RXRG: variants seen among roughly 807,000 people sequenced by gnomAD.
RXRG encodes the protein retinoid X receptor gamma, also known as retinoic acid receptor RXR-gamma.
RXRG carries 19 observed loss-of-function variants against 49.2 expected under a neutral mutation model. The observed-to-expected ratio is 0.39, with a 90% CI of 0.27 to 0.57. RXRG has a LOEUF of 0.57. Among genes scored for constraint, RXRG ranks in the 20% least tolerant of loss-of-function variants. The pLI, the probability that RXRG is intolerant of heterozygous loss-of-function variation, is 0.64. For missense variants in RXRG, 452 were observed against 592.5 expected (o/e 0.76, Z 2.46); for synonymous variants, 224 against 216.6 (o/e 1.03, Z -0.30).
chr1:165,428,668 G>A, intron 2 of RXRG, 51 bp downstream of exon 2: 2 of 1,541,364 alleles, frequency 1.3e-6, no homozygotes, highest in Non-Finnish European at 8.8e-7. Context: ...AGCAGCCTGG[G>A]TGAAACCATG....
chr1:165,428,626 A>G, intron 2 of RXRG, 93 bp downstream of exon 2: 2 of 1,437,678 alleles, frequency 1.4e-6, no homozygotes, highest in Non-Finnish European at 1.9e-6. Context: ...AGCACGCATT[A>G]TGGACCTGCT....
chr1:165,429,699 G>T (rs1658612679), intron 1 of RXRG, among the ~76,000 whole-genome samples: 1 of 152,174 alleles, frequency 6.6e-6, no homozygotes, highest in African/African-American at 2.4e-5. Context: ...AGAGGCCCAG[G>T]TAGCACAGGA....
At chr1:165,420,414 C>T (rs543284048) in intron 2 of RXRG, among the ~76,000 whole-genome samples, 1 of 152,270 alleles carries the variant, frequency 6.6e-6, no homozygotes, top group African/African-American at 2.4e-5. Context: ...AACTACGACC[C>T]TCAGGCTAAA....
chr1:165,441,020 C>A (rs764250526), intron 1 of RXRG, among the ~76,000 whole-genome samples: 1 of 152,230 alleles, frequency 6.6e-6, no homozygotes, highest in Non-Finnish European at 1.5e-5. Context: ...CAATTAGCCA[C>A]CCACATATCT....
chr1:165,437,452 T>C (rs1424164255), intron 1 of RXRG, among the ~76,000 whole-genome samples: 4 of 152,210 alleles, frequency 2.6e-5, no homozygotes, highest in Non-Finnish European at 4.4e-5. Context: ...GAACAGATAA[T>C]GTTCTGAATA....
At chr1:165,436,602 G>A (rs560434308) in intron 1 of RXRG, among the ~76,000 whole-genome samples, 10 of 152,220 alleles carry the variant, frequency 6.6e-5, no homozygotes, top group South Asian at 6.2e-4. Context: ...TGCCTCGGAG[G>A]GAGCACCATT....
chr1:165,425,532 T>C (rs959845032), intron 2 of RXRG, among the ~76,000 whole-genome samples: 3 of 152,216 alleles, frequency 2.0e-5, no homozygotes, highest in Admixed American at 1.3e-4. Flanking sequence ...CAAACTACAA[T>C]GTACTTTCTG....
intron 2 of RXRG, among the ~76,000 whole-genome samples, chr1:165,428,305 T>C (rs757631863): frequency 1.3e-5 from 2 of 152,238 alleles, no homozygotes; most frequent in Non-Finnish European, 2.9e-5. Context: ...CTCTCATTTG[T>C]AAGCTCCTGG....
chr1:165,438,651 G>T (rs1427593330), intron 1 of RXRG, among the ~76,000 whole-genome samples: 1 of 152,214 alleles, frequency 6.6e-6, no homozygotes, highest in Non-Finnish European at 1.5e-5. Flanking sequence ...GGGGCCAGAA[G>T]ACCTGCTGTT....
intron 2 of RXRG, 39 bp from the exon 3 acceptor site, chr1:165,420,053 G>A: frequency 6.7e-7 from 1 of 1,488,620 alleles, no homozygotes; most frequent in Non-Finnish European, 9.0e-7. Flanking sequence ...CAGAGCCAGA[G>A]TAAATTCAAT....
intron 1 of RXRG, among the ~76,000 whole-genome samples, chr1:165,438,149 C>T (rs1306642110): frequency 6.6e-6 from 1 of 152,168 alleles, no homozygotes; most frequent in Non-Finnish European, 1.5e-5. Flanking sequence ...ATTGACTCAG[C>T]CCTGGCTCAG....
intron 8 of RXRG, 82 bp from the exon 9 acceptor site, chr1:165,406,999 G>C: frequency 1.1e-6 from 1 of 899,498 alleles, no homozygotes; most frequent in Non-Finnish European, 1.8e-6. Context: ...ACTCTCTGTA[G>C]AGTTACTAGA....
At position 165,409,565 on chromosome 1, in the gene RXRG, A is replaced by C; in HGVS notation, c.1039T>G (p.Phe347Val). The change falls in exon 7 of 10, where the codon TTT becomes GTT. Residue 347 changes from phenylalanine (F) to valine (V), a missense_variant. By Grantham distance (50) the Phe-to-Val change is conservative. This residue lies in a region of RXRG where 286 missense variants were observed against 440.9 expected (regional missense o/e 0.65). Transcript: ENST00000359842. Reference protein sequence around the residue: ...SAHSAGVGSIFDRVLTELVSK... With the variant: ...SAHSAGVGSIVDRVLTELVSK... The stretch of plus-strand genomic sequence containing the variant: ...GAAGCAGGAGAGAGACACCTGTCAA[A>C]GATGGAGCCGACCCCAGCACTGTGG... 1 of 1,489,224 alleles carries C rather than the reference A, an allele frequency of 6.7e-7. No homozygotes were observed. Among genetic ancestry groups the C allele is most frequent in the South Asian group, 1.5e-5 (1 of 68,190 alleles). The allele number at this position is 1,489,224 out of a possible 1,614,324, so 92.3% of individuals were successfully genotyped here.
At chr1:165,428,489 C>A (rs1181581159) in intron 2 of RXRG, among the ~76,000 whole-genome samples, 1 of 152,168 alleles carries the variant, frequency 6.6e-6, no homozygotes, top group Non-Finnish European at 1.5e-5. Context: ...AAGGAAGGCC[C>A]CCTTTTGGTC....
chr1:165,437,108 A>G, intron 1 of RXRG: 1 of 1,363,478 alleles, frequency 7.3e-7, no homozygotes, highest in Non-Finnish European at 9.8e-7. Flanking sequence ...TGTCATGGGG[A>G]AGCAGCCTCC....
intron 4 of RXRG, among the ~76,000 whole-genome samples, chr1:165,416,270 T>A (rs1301570829): frequency 6.6e-6 from 1 of 152,118 alleles, no homozygotes; most frequent in Non-Finnish European, 1.5e-5. Context: ...AGCTCACTAG[T>A]TAATTAACTG....
chr1:165,422,543 G>A (rs1407238586), intron 2 of RXRG, among the ~76,000 whole-genome samples: 1 of 152,218 alleles, frequency 6.6e-6, no homozygotes, highest in East Asian at 1.9e-4. Flanking sequence ...GTGATGGGCA[G>A]AAGGCTTTGA....
In RXRG at chr1:165,439,695, C is replaced by T. The variant is rs146591654; in HGVS notation, c.49+5150G>A. Reference sequence around the variant, plus strand: ...TTCCATAGCAGAGAAGGTTTCCTTCCCATCAGAAGAAAGCTTCTCTCTGCT... The same window carrying T: ...TTCCATAGCAGAGAAGGTTTCCTTCTCATCAGAAGAAAGCTTCTCTCTGCT... On this transcript the variant is annotated intron_variant, in intron 1 of 9. Coordinates refer to ENST00000359842, the MANE Select transcript of RXRG (RefSeq NM_006917.5). Among the ~76,000 whole-genome samples the T allele has an allele frequency of 3.8e-3, 576 of 152,326 alleles. 13 individuals carry two copies. The highest frequency in any genetic ancestry group is 0.03 in the Admixed American group (456 of 15,300).
At chr1:165,417,246 T>C (rs1447175343) in intron 3 of RXRG, 26 bp from the exon 4 acceptor site, 5 of 1,571,140 alleles carry the variant, frequency 3.2e-6, no homozygotes, top group African/African-American at 2.7e-5. Flanking sequence ...GAACATTCCA[T>C]AGATTGTTCT....
Sources: allele counts gnomAD v4.1 joint callset (sites outside exome capture counted in the v4.1 genomes callset), GRCh38; gene constraint gnomAD v4.1.1; regional missense constraint gnomAD v4.1.1; transcripts MANE v1.5; gene names NCBI Gene and HGNC (gene_info 2026-07-23, HGNC 2026-07-21).